Variants in ACYP2 observed in about 807,000 individuals in gnomAD.
The protein encoded by ACYP2 is acylphosphatase-2.
A neutral mutation model predicts 11.2 loss-of-function variants in ACYP2; 12 were observed. The ratio of observed to expected loss-of-function variants is 1.08; its 90% CI spans 0.69 to 1.74. The LOEUF is 1.74. Ranked by LOEUF, ACYP2 falls within the 40% of genes most tolerant of loss-of-function variation. The pLI is 0.00. For missense variants in ACYP2, 134 were observed against 101.9 expected (o/e 1.31, Z -1.35); for synonymous variants, 43 against 32.2 (o/e 1.33, Z -1.13).
chr2:54,201,609 TTTC>T (rs1684785987), intron 6 of ACYP2, among the ~76,000 whole-genome samples: 1 of 82,510 alleles, frequency 1.2e-5, no homozygotes, highest in South Asian at 6.6e-4. Flanking sequence ...TCTTTCTTTC[TTTC>T]TTTCTTTCTT....
chr2:54,018,018 C>T (rs1460157319), intron 2 of ACYP2, among the ~76,000 whole-genome samples: 1 of 152,112 alleles, frequency 6.6e-6, no homozygotes, highest in African/African-American at 2.4e-5. Flanking sequence ...TATTTGAAAG[C>T]ACATCTTCAC....
chr2:54,201,465 C>A (rs913261456), intron 6 of ACYP2, among the ~76,000 whole-genome samples: 1 of 151,952 alleles, frequency 6.6e-6, no homozygotes, highest in African/African-American at 2.4e-5. Context: ...AATACTAGAA[C>A]CTTATCAGAT....
chr2:54,143,819 A>G (rs1367643944), intron 6 of ACYP2, among the ~76,000 whole-genome samples: 1 of 140,186 alleles, frequency 7.1e-6, no homozygotes, highest in Admixed American at 7.6e-5. Flanking sequence ...AAAACATATT[A>G]GGAAGTTTTC....
intron 6 of ACYP2, among the ~76,000 whole-genome samples, chr2:54,153,444 G>C (rs1682277731): frequency 7.1e-6 from 1 of 141,530 alleles, no homozygotes; most frequent in Non-Finnish European, 1.5e-5. Flanking sequence ...TGCTCAAATT[G>C]CCTGGGCTAC....
At chr2:54,130,394 G>A (rs960070487) in intron 4 of ACYP2, among the ~76,000 whole-genome samples, 1 of 152,128 alleles carries the variant, frequency 6.6e-6, no homozygotes, top group Non-Finnish European at 1.5e-5. Context: ...TAGGATATGA[G>A]GTAGAGGAAT....
At chr2:54,267,487 A>C (rs1688091493) in intron 6 of ACYP2, 1 of 815,532 alleles carries the variant, frequency 1.2e-6, no homozygotes. Context: ...TCCCTAGATG[A>C]ATTTAATTAT....
chr2:54,104,181 G>A (rs1298788639), intron 4 of ACYP2, among the ~76,000 whole-genome samples: 2 of 152,194 alleles, frequency 1.3e-5, no homozygotes, highest in Non-Finnish European at 2.9e-5. Context: ...TCTGATGGGA[G>A]ATATATACTG....
intron 4 of ACYP2, among the ~76,000 whole-genome samples, chr2:54,087,885 C>G (rs894662428): frequency 3.3e-5 from 5 of 150,010 alleles, no homozygotes; most frequent in Non-Finnish European, 7.4e-5. Flanking sequence ...GAAATTTTTC[C>G]AAGACTCTCA....
At chr2:54,044,611 A>G (rs909614253) in intron 2 of ACYP2, among the ~76,000 whole-genome samples, 2 of 151,946 alleles carry the variant, frequency 1.3e-5, no homozygotes, top group African/African-American at 4.8e-5. Flanking sequence ...CCCTCTCAAA[A>G]AAAAAAAGAT....
At chr2:54,056,784 T>C (rs1372678694) in intron 3 of ACYP2, among the ~76,000 whole-genome samples, 1 of 152,204 alleles carries the variant, frequency 6.6e-6, no homozygotes, top group Non-Finnish European at 1.5e-5. Context: ...TTTAATAGCT[T>C]TCTACTATAT....
At position 54,182,587 on chromosome 2, in the gene ACYP2, C is replaced by T. The variant is rs112429029; in HGVS notation, c.404+43839C>T. On this transcript the variant is annotated intron_variant, in intron 6 of 6. Coordinates refer to ENST00000607452, the MANE Select transcript of ACYP2 (RefSeq NM_001320586.2). ...TCCTGGGCTCAAGCAGTCCTCCTGC[C>T]TTGGCCTCCCAAAGTCCTGGAATTA... Among the ~76,000 whole-genome samples, 94 of 152,258 alleles carry T rather than the reference C, an allele frequency of 6.2e-4. 2 individuals are homozygous for T. The highest frequency in any genetic ancestry group is 2.2e-3 in the African/African-American group (91 of 41,552).
intron 6 of ACYP2, among the ~76,000 whole-genome samples, chr2:54,289,928 C>G (rs1689228677): frequency 1.3e-5 from 2 of 152,022 alleles, no homozygotes; most frequent in Non-Finnish European, 2.9e-5. Context: ...CAGCCGGTGT[C>G]TAATACACAG....
chr2:54,095,517 A>AC (rs1320850541), intron 4 of ACYP2, among the ~76,000 whole-genome samples: 11 of 128,762 alleles, frequency 8.5e-5, no homozygotes, highest in South Asian at 8.0e-4. Context: ...CGGGGGGCTG[A>AC]CCCCCCCACC....
chr2:54,232,977 A>T (rs1273577313), intron 6 of ACYP2, among the ~76,000 whole-genome samples: 1 of 152,162 alleles, frequency 6.6e-6, no homozygotes, highest in Non-Finnish European at 1.5e-5. Context: ...TTTAATTATG[A>T]CATGTTGCTA....
chr2:54,214,821 A>G (rs1042926738), intron 6 of ACYP2, among the ~76,000 whole-genome samples: 1 of 152,230 alleles, frequency 6.6e-6, no homozygotes, highest in African/African-American at 2.4e-5. Context: ...ATGGCATCAA[A>G]TCTGCAAATT....
chr2:54,167,082 TC>T (rs1489791328), intron 6 of ACYP2: 1 of 151,926 alleles, frequency 6.6e-6, no homozygotes, highest in Non-Finnish European at 1.5e-5. Flanking sequence ...ATAGGACCCT[TC>T]CTCATGACGG....
chr2:54,175,536 T>C (rs1424809340), intron 6 of ACYP2, among the ~76,000 whole-genome samples: 1 of 152,160 alleles, frequency 6.6e-6, no homozygotes, highest in African/African-American at 2.4e-5. Context: ...TCTCCTTCAG[T>C]TCTGCTCTGA....
In ACYP2 at chr2:54,090,286, C is replaced by T. The variant is rs140105721; in HGVS notation, c.277+32926C>T. 3.4e-3 allele frequency among the ~76,000 whole-genome samples: 519 copies of T among 152,182 alleles called. 6 individuals carry two copies. The highest frequency in any genetic ancestry group is 0.012 in the African/African-American group (496 of 41,532). On this transcript the variant is annotated intron_variant, in intron 4 of 6. Coordinates refer to ENST00000607452, the MANE Select transcript of ACYP2 (RefSeq NM_001320586.2). Reference sequence around the variant, plus strand: ...CCTTGCCCCTTTATCTCCTGCTTTTCTACTGCATGAACCTCTTTTGCCATG... The same window carrying T: ...CCTTGCCCCTTTATCTCCTGCTTTTTTACTGCATGAACCTCTTTTGCCATG...
intron 6 of ACYP2, among the ~76,000 whole-genome samples, chr2:54,228,702 G>A (rs1181815727): frequency 3.3e-5 from 5 of 151,764 alleles, no homozygotes; most frequent in Non-Finnish European, 5.9e-5. Context: ...AAAAAAAGAG[G>A]AGAGAAAAGA....
Sources: allele counts gnomAD v4.1 joint callset (sites outside exome capture counted in the v4.1 genomes callset), GRCh38; gene constraint gnomAD v4.1.1; transcripts MANE v1.5; gene names NCBI Gene and HGNC (gene_info 2026-07-23, HGNC 2026-07-21).